The following EFR3A variants were observed in gnomAD, a reference collection of about 807,000 sequenced individuals.
EFR3A encodes EFR3 homolog A, also known as protein EFR3 homolog A.
In EFR3A, 76 loss-of-function variants were observed where a neutral mutation model predicts 104.4. That is an observed-to-expected ratio of 0.73 (90% CI 0.60 to 0.88). EFR3A has a LOEUF of 0.88. Among genes scored for constraint, EFR3A ranks in the 40% least tolerant of loss-of-function variants. EFR3A has a pLI of 0.00. For missense variants in EFR3A, 985 were observed against 1,012.5 expected (o/e 0.97, Z 0.37); for synonymous variants, 330 against 330.0 (o/e 1.00, Z 0.00).
intron 4 of EFR3A, among the ~76,000 whole-genome samples, chr8:131,949,735 G>A (rs1408780475): frequency 6.9e-6 from 1 of 145,216 alleles, no homozygotes; most frequent in Non-Finnish European, 1.5e-5. Flanking sequence ...GATCACTTGA[G>A]CCTAGGAATT....
intron 2 of EFR3A, among the ~76,000 whole-genome samples, chr8:131,943,870 G>A (rs1818291434): frequency 6.6e-6 from 1 of 151,926 alleles, no homozygotes; most frequent in East Asian, 1.9e-4. Flanking sequence ...GGAAAGAGAA[G>A]AGCTCATTTG....
At chr8:131,949,013 T>G (rs1305422313) in intron 4 of EFR3A, among the ~76,000 whole-genome samples, 1 of 152,158 alleles carries the variant, frequency 6.6e-6, no homozygotes, top group Non-Finnish European at 1.5e-5. Context: ...CTTTTTATTT[T>G]TACCTCTTTT....
chr8:131,915,693 T>C (rs1027543777), intron 1 of EFR3A, among the ~76,000 whole-genome samples: 1 of 152,034 alleles, frequency 6.6e-6, no homozygotes, highest in African/African-American at 2.4e-5. Flanking sequence ...TGCCTTAAAG[T>C]ATACTACAGA....
chr8:131,934,062 G>A (rs1388498947), intron 1 of EFR3A, among the ~76,000 whole-genome samples: 2 of 152,110 alleles, frequency 1.3e-5, no homozygotes, highest in Non-Finnish European at 2.9e-5. Flanking sequence ...AAAGAATCAT[G>A]TAATAAAATA....
chr8:131,989,867 A>G (rs1747840664), intron 18 of EFR3A, among the ~76,000 whole-genome samples: 1 of 152,206 alleles, frequency 6.6e-6, no homozygotes, highest in African/African-American at 2.4e-5. Flanking sequence ...GATGCCTGGC[A>G]TCATCATAAT....
chr8:131,957,823 A>G (rs1156670247), intron 7 of EFR3A, among the ~76,000 whole-genome samples: 1 of 152,212 alleles, frequency 6.6e-6, no homozygotes, highest in Non-Finnish European at 1.5e-5. Flanking sequence ...TGAATATCAT[A>G]TTTTTAATCA....
chr8:131,968,373 G>A lies in EFR3A; in HGVS notation c.934G>A (p.Ala312Thr), dbSNP rs1007432614. 1 of 1,613,638 alleles carries A rather than the reference G, an allele frequency of 6.2e-7. No individual in the cohort carries two copies. Among genetic ancestry groups the A allele is most frequent in the South Asian group, 1.1e-5 (1 of 91,070 alleles). Residue 312 changes from alanine (A) to threonine (T), a missense_variant, in exon 9 of 23, where the codon GCA becomes ACA. Physicochemically the swap from Ala to Thr is moderately conservative, Grantham distance 58. Coordinates refer to ENST00000254624, the MANE Select transcript of EFR3A (RefSeq NM_015137.6). ...ARKKDAPRVRAGIIQVLLEAV... is the reference protein window; with the variant it reads ...ARKKDAPRVRTGIIQVLLEAV... ...TAAAAAAGATGCTCCCCGGGTTCGA[G>A]CAGGTATTATTCAGGTTCTGTTAGA... is the stretch of plus-strand genomic sequence containing the variant.
At chr8:131,929,186 C>G (rs1586551562) in intron 1 of EFR3A, among the ~76,000 whole-genome samples, 1 of 152,156 alleles carries the variant, frequency 6.6e-6, no homozygotes, top group East Asian at 1.9e-4. Context: ...TCCTTTTACC[C>G]CAGAGTGTAT....
At chr8:131,976,633 A>G (rs1332929914) in intron 11 of EFR3A, among the ~76,000 whole-genome samples, 1 of 152,060 alleles carries the variant, frequency 6.6e-6, no homozygotes, top group African/African-American at 2.4e-5. Context: ...TTCGACTTAC[A>G]TTTCTTTGAC....
chr8:132,013,594 C>CT lies in EFR3A; in HGVS notation c.*2700dup, dbSNP rs1374167339. On this transcript the variant is annotated 3_prime_UTR_variant, in exon 23 of 23. Transcript: ENST00000254624. ...TTTGTATATAAGTTCATTTTTATAG[C>CT]TATTGTTACATTTAATTAAATTTAT... 1.3e-5 allele frequency: 2 copies of CT among 152,418 alleles called. No individual in the cohort carries two copies. Among genetic ancestry groups the CT allele is most frequent in the African/African-American group, 4.8e-5 (2 of 41,422 alleles). The allele number at this position is 152,418 out of a possible 1,614,324, so 9.4% of individuals were successfully genotyped here.
intron 8 of EFR3A, among the ~76,000 whole-genome samples, chr8:131,961,937 GA>G (rs1160504407): frequency 2.3e-4 from 35 of 152,242 alleles, no homozygotes; most frequent in African/African-American, 8.4e-4. Flanking sequence ...TTTCAACCCA[GA>G]ATTTCATATC....
chr8:131,946,504 G>A lies in EFR3A; in HGVS notation c.237G>A (p.Glu79=). ...HRSGYVLIAM[E]ALDQLLMACH... ...GTAGGTATGTTTTGATTGCTATGGA[G>A]GCACTGGACCAACTTCTCATGGCTT... Residue 79 remains glutamate, a synonymous_variant, in exon 4 of 23, where the codon GAG becomes GAA. Transcript: ENST00000254624. 1 of 1,601,822 alleles carries A rather than the reference G, an allele frequency of 6.2e-7. No homozygotes were observed.
rs187098691 is a variant in EFR3A at position 131,950,617 on chromosome 8, T to C, written c.488+527T>C. On this transcript the variant is annotated intron_variant, in intron 5 of 22. Coordinates refer to ENST00000254624, the MANE Select transcript of EFR3A (RefSeq NM_015137.6). ...TTTATCTTCTTATCATGTATCTCCT[T>C]GTTTCTTGCTCCTCTATGGAATATA... Among the ~76,000 whole-genome samples the C allele has an allele frequency of 1.7e-4, 26 of 152,278 alleles. 1 individual carries two copies. The highest frequency in any genetic ancestry group is 1.1e-3 in the Admixed American group (17 of 15,282).
In EFR3A at chr8:131,953,930, C is replaced by T. The variant is rs1390883555; in HGVS notation, c.601C>T (p.Leu201Phe). ...PQHMDKIVPS[L>F]LFNMQKIEEV... ...GCATATGGATAAGATTGTTCCATCCCTCCTGTTTAACATGCAAAAGATAGA... is the reference window on the plus strand; with the variant it reads ...GCATATGGATAAGATTGTTCCATCCTTCCTGTTTAACATGCAAAAGATAGA... The change falls in exon 6 of 23, where the codon CTC (leucine) becomes TTC (phenylalanine). Residue 201 changes from leucine (L) to phenylalanine (F), a missense_variant. Coordinates refer to ENST00000254624, the MANE Select transcript of EFR3A (RefSeq NM_015137.6). 1.3e-6 allele frequency: 2 copies of T among 1,565,198 alleles called. No homozygotes were observed.
intron 14 of EFR3A, among the ~76,000 whole-genome samples, chr8:131,981,792 A>G (rs1213855753): frequency 6.6e-6 from 1 of 152,026 alleles, no homozygotes; most frequent in Non-Finnish European, 1.5e-5. Flanking sequence ...GGCATCTTAT[A>G]TACGGAGTCT....
intron 19 of EFR3A, among the ~76,000 whole-genome samples, chr8:131,997,585 G>T (rs1393787744): frequency 1.3e-5 from 2 of 152,044 alleles, no homozygotes; most frequent in Non-Finnish European, 2.9e-5. Context: ...TTTCTTACCA[G>T]TTTAAGGCTT....
chr8:132,008,456 A>C (rs559939039), intron 22 of EFR3A, among the ~76,000 whole-genome samples: 1 of 152,190 alleles, frequency 6.6e-6, no homozygotes, highest in South Asian at 2.1e-4. Context: ...GAGAACAGAC[A>C]AATGGTGATA....
chr8:131,946,439 A>C (rs1469397207), intron 3 of EFR3A, 44 bp from the exon 4 acceptor site: 1 of 1,476,046 alleles, frequency 6.8e-7, no homozygotes. Flanking sequence ...AGGAGAATTA[A>C]GAGAGGTAGA....
At chr8:131,981,172 T>A (rs1255939505) in intron 14 of EFR3A, among the ~76,000 whole-genome samples, 2 of 151,946 alleles carry the variant, frequency 1.3e-5, no homozygotes, top group Non-Finnish European at 2.9e-5. Context: ...AATTTTTGAG[T>A]TTTTGACTTT....
Sources: allele counts gnomAD v4.1 joint callset (sites outside exome capture counted in the v4.1 genomes callset), GRCh38; gene constraint gnomAD v4.1.1; transcripts MANE v1.5; gene names NCBI Gene and HGNC (gene_info 2026-07-23, HGNC 2026-07-21).